ARMC2: variants seen among roughly 807,000 people sequenced by gnomAD.
ARMC2 encodes armadillo repeat-containing protein 2.
In ARMC2, 67 loss-of-function variants were observed where a neutral mutation model predicts 90.3. That is an observed-to-expected ratio of 0.74 (90% CI 0.61 to 0.91). ARMC2 has a LOEUF of 0.91. Among genes scored for constraint, ARMC2 ranks in the 40% least tolerant of loss-of-function variants. The pLI is 0.00. For missense variants in ARMC2, 920 were observed against 1,030.9 expected (o/e 0.89, Z 1.47); for synonymous variants, 393 against 393.0 (o/e 1.00, Z 0.00).
In ARMC2 at chr6:108,912,510, C is replaced by T. The variant is rs780513246; in HGVS notation, c.1302C>T (p.Ile434=). 3.1e-6 allele frequency: 5 copies of T among 1,613,946 alleles called. No homozygotes were observed. The highest frequency in any genetic ancestry group is 1.1e-5 in the South Asian group (1 of 91,078). The change falls in exon 10 of 18, where the codon ATC becomes ATT. Residue 434 remains isoleucine, a synonymous_variant. Transcript: ENST00000392644. ...INLIKQINEN[I]KKCGTFLPNS... is the part of the protein sequence containing the mutation. ...TGATAAAACAAATAAATGAGAACAT[C>T]AAGAAATGTGGTACATTTTTGCCTA...
chr6:108,922,146 T>C (rs1029515546), intron 10 of ARMC2, among the ~76,000 whole-genome samples: 5 of 152,168 alleles, frequency 3.3e-5, no homozygotes, highest in Non-Finnish European at 7.4e-5. Context: ...ATGATCAGTG[T>C]GTGTGGAGGT....
At chr6:108,928,298 T>A in intron 11 of ARMC2, 65 bp downstream of exon 11, 1 of 1,372,806 alleles carries the variant, frequency 7.3e-7, no homozygotes, top group Non-Finnish European at 9.6e-7. Flanking sequence ...GGGTTATCTT[T>A]AATATTTGCT....
intron 5 of ARMC2, among the ~76,000 whole-genome samples, chr6:108,892,904 G>A (rs1771232265): frequency 6.6e-6 from 1 of 152,214 alleles, no homozygotes; most frequent in South Asian, 2.1e-4. Flanking sequence ...ACACAGGAAG[G>A]AGAAGCCACG....
At chr6:108,941,206 C>T (rs1176948875) in intron 12 of ARMC2, among the ~76,000 whole-genome samples, 1 of 152,150 alleles carries the variant, frequency 6.6e-6, no homozygotes, top group Non-Finnish European at 1.5e-5. Context: ...GTGACTTCTC[C>T]TCTTCAAAGC....
chr6:108,988,642 A>G, the ARMC2 span: 1 of 1,611,916 alleles, frequency 6.2e-7, no homozygotes, highest in Non-Finnish European at 8.5e-7. Context: ...CTTTAAAGCT[A>G]CGATCCAATA....
intron 13 of ARMC2, 48 bp from the exon 14 acceptor site, chr6:108,961,524 C>G (rs1476229515): frequency 6.5e-7 from 1 of 1,539,086 alleles, no homozygotes; most frequent in Non-Finnish European, 8.7e-7. Context: ...GTAGTTGGTT[C>G]TACTCCTGCA....
the ARMC2 span, among the ~76,000 whole-genome samples, chr6:109,021,217 C>T: frequency 1.3e-5 from 2 of 152,032 alleles, no homozygotes; most frequent in Admixed American, 1.3e-4. Context: ...TACATGGACT[C>T]AAGTGAACTC....
At chr6:108,902,127 G>A (rs1583056676) in intron 7 of ARMC2, among the ~76,000 whole-genome samples, 1 of 152,160 alleles carries the variant, frequency 6.6e-6, no homozygotes, top group African/African-American at 2.4e-5. Context: ...CATATCTTGG[G>A]GATAGAAGTT....
At chr6:108,932,006 C>T (rs1775599845) in intron 11 of ARMC2, among the ~76,000 whole-genome samples, 1 of 151,874 alleles carries the variant, frequency 6.6e-6, no homozygotes, top group African/African-American at 2.4e-5. Context: ...CTCAGGTGAT[C>T]TGCCCGCCTC....
chr6:108,913,510 C>T (rs752981340), intron 10 of ARMC2, among the ~76,000 whole-genome samples: 2 of 152,176 alleles, frequency 1.3e-5, no homozygotes, highest in Non-Finnish European at 1.5e-5. Flanking sequence ...AAACATTTTC[C>T]ATGCTCCCAG....
intron 17 of ARMC2, among the ~76,000 whole-genome samples, chr6:108,970,004 C>T (rs1161863852): frequency 2.0e-5 from 3 of 152,072 alleles, no homozygotes; most frequent in Non-Finnish European, 4.4e-5. Context: ...CCACTGCATT[C>T]CAGCCTGGGT....
intron 7 of ARMC2, among the ~76,000 whole-genome samples, chr6:108,900,852 A>T (rs1288952831): frequency 2.6e-5 from 4 of 152,088 alleles, no homozygotes; most frequent in Admixed American, 6.6e-5. Context: ...TCTGCAGCCC[A>T]AAGTCCTAAG....
rs1774775315 is a variant in ARMC2 at position 108,857,560 on chromosome 6, A to G, written c.219-639A>G. The stretch of plus-strand genomic sequence containing the variant: ...TGTATGATACTGAAAAGCAGTAGTA[A>G]GAGGGGACATCCTTGCCTTCTTCCT... On this transcript the variant is annotated intron_variant, in intron 2 of 17. Transcript: ENST00000392644. Among the ~76,000 whole-genome samples the G allele has an allele frequency of 4.6e-5, 7 of 152,322 alleles. No homozygotes were observed. In the South Asian group the frequency reaches 1.4e-3, roughly 32 times the overall value.
the ARMC2 span, among the ~76,000 whole-genome samples, chr6:109,050,964 G>A: frequency 1.5e-3 from 222 of 152,276 alleles, no homozygotes; most frequent in African/African-American, 5.1e-3. Flanking sequence ...ATGAGTGGAC[G>A]TTTGTTATGG....
intron 5 of ARMC2, among the ~76,000 whole-genome samples, chr6:108,893,192 C>T (rs1020440427): frequency 1.3e-5 from 2 of 152,172 alleles, no homozygotes; most frequent in South Asian, 2.1e-4. Context: ...TGCTGTTGGC[C>T]AGCCACTGCT....
the ARMC2 span, among the ~76,000 whole-genome samples, chr6:109,030,712 G>A: frequency 6.6e-6 from 1 of 152,168 alleles, no homozygotes; most frequent in African/African-American, 2.4e-5. Context: ...TCTACCTAGG[G>A]ACTACAGAAT....
At chr6:109,048,363 C>T in the ARMC2 span, among the ~76,000 whole-genome samples, 1 of 152,188 alleles carries the variant, frequency 6.6e-6, no homozygotes, top group South Asian at 2.1e-4. Flanking sequence ...TTGAGATCTG[C>T]ACCACAGTAT....
At chr6:108,918,804 G>A (rs1004580603) in intron 10 of ARMC2, among the ~76,000 whole-genome samples, 4 of 152,204 alleles carry the variant, frequency 2.6e-5, no homozygotes, top group East Asian at 1.9e-4. Context: ...CTAGTAAAGC[G>A]CCCATAACAG....
chr6:108,884,216 C>CCA (rs1320844130), intron 5 of ARMC2, among the ~76,000 whole-genome samples: 1 of 152,134 alleles, frequency 6.6e-6, no homozygotes, highest in Non-Finnish European at 1.5e-5. Flanking sequence ...TGGACCCTGT[C>CCA]CATGAAGAGC....
Sources: gnomAD v4.1 joint callset for allele counts (sites outside exome capture counted in the v4.1 genomes callset) on GRCh38, gnomAD v4.1.1 for gene constraint, MANE v1.5 for transcripts, NCBI Gene and HGNC (gene_info 2026-07-23, HGNC 2026-07-21) for gene names.